TTC34: variants seen among roughly 807,000 people sequenced by gnomAD.
TTC34 encodes the protein tetratricopeptide repeat domain 34, also known as tetratricopeptide repeat protein 34.
A neutral mutation model predicts 40.7 loss-of-function variants in TTC34; 44 were observed. That is an observed-to-expected ratio of 1.08 (90% CI 0.85 to 1.39). The LOEUF is 1.39. TTC34 is among the 40% of genes most tolerant of loss of function. TTC34 has a pLI of 0.00. For missense variants in TTC34, 884 were observed against 838.0 expected (o/e 1.05, Z -0.68); for synonymous variants, 422 against 398.6 (o/e 1.06, Z -0.70).
intron 6 of TTC34, among the ~76,000 whole-genome samples, chr1:2,755,632 C>T (rs1188852483): frequency 6.7e-5 from 7 of 103,866 alleles, no homozygotes; most frequent in Admixed American, 2.0e-4. Flanking sequence ...CACCCAGGTG[C>T]GCATCTGATG....
intron 6 of TTC34, among the ~76,000 whole-genome samples, chr1:2,698,851 C>T (rs1286724884): frequency 2.5e-4 from 37 of 148,696 alleles, no homozygotes; most frequent in Non-Finnish European, 4.5e-4. Flanking sequence ...ACCCACACTC[C>T]CAGGCGAGCA....
chr1:2,686,260 A>C (rs1200429810), intron 6 of TTC34, among the ~76,000 whole-genome samples: 2 of 145,494 alleles, frequency 1.4e-5, no homozygotes, highest in African/African-American at 5.3e-5. Context: ...AGCATCTGAC[A>C]GCGTGGAGGA....
intron 6 of TTC34, among the ~76,000 whole-genome samples, chr1:2,646,313 C>G (rs1639020839): frequency 6.6e-6 from 1 of 152,158 alleles, no homozygotes; most frequent in East Asian, 1.9e-4. Flanking sequence ...TCCATTATTC[C>G]CATACTTTGT....
rs77381828 is a variant in TTC34 at position 2,791,938 on chromosome 1, G to A, written c.785-1592C>T. ...TTTCTATTCTGTCTTCAAGTTCACC[G>A]ACCCTTCTACTGTCGCTAATATTTT... is the stretch of plus-strand genomic sequence containing the variant. On this transcript the variant is annotated intron_variant, in intron 2 of 8. Transcript: ENST00000401095. 6.5e-3 allele frequency among the ~76,000 whole-genome samples: 943 copies of A among 145,446 alleles called. 16 individuals carry two copies. The highest frequency in any genetic ancestry group is 0.022 in the African/African-American group (884 of 39,456).
chr1:2,749,710 G>A (rs1206507658), intron 6 of TTC34, among the ~76,000 whole-genome samples: 1 of 89,014 alleles, frequency 1.1e-5, no homozygotes, highest in Non-Finnish European at 2.1e-5. Context: ...TGACAGTCTG[G>A]AACAGCACGC....
At position 2,750,087 on chromosome 1, in the gene TTC34, C is replaced by A. The variant is rs1413522182; in HGVS notation, c.2226+33522G>T. On this transcript the variant is annotated intron_variant, in intron 6 of 8. Transcript: ENST00000401095. ...ACAGCCTGGAGCAGCAGGCACACCCCCAGTGAGCATCTGACAGCCTGGAAC... is the reference window on the plus strand; with the variant it reads ...ACAGCCTGGAGCAGCAGGCACACCCACAGTGAGCATCTGACAGCCTGGAAC... 8.3e-4 allele frequency among the ~76,000 whole-genome samples: 81 copies of A among 97,396 alleles called. 6 individuals are homozygous for A. The South Asian group carries it at 0.012, about 14-fold the overall frequency. 63.9% of individuals were successfully genotyped at this position (97,396 alleles called of 152,430 possible).
rs1219209014 is a variant in TTC34, at chr1:2,750,900, T to A, written c.2226+32709A>T. On this transcript the variant is annotated intron_variant, in intron 6 of 8. Coordinates refer to ENST00000401095, the Ensembl canonical transcript of TTC34. Reference sequence around the variant, plus strand: ...CAGCACCCAAACCCCCAGGCGAGCATCTGAACGCACGGAGCAGCACCCACA... The same window carrying A: ...CAGCACCCAAACCCCCAGGCGAGCAACTGAACGCACGGAGCAGCACCCACA... Among the ~76,000 whole-genome samples the A allele has an allele frequency of 2.8e-5, 3 of 106,768 alleles. 1 individual carries two copies. Among genetic ancestry groups the A allele is most frequent in the African/African-American group, 1.3e-4 (3 of 22,310 alleles). 70.0% of individuals were successfully genotyped at this position (106,768 alleles called of 152,430 possible).
Position 2,789,542 on chromosome 1 carries a change from CTCCGG to C in TTC34, c.1584_1588del (p.Arg529GlyfsTer41). On this transcript the variant is annotated frameshift_variant, in exon 3 of 9. Coordinates refer to ENST00000401095, the Ensembl canonical transcript of TTC34. LOFTEE classifies it high-confidence loss of function. ...GGGGCCGCCCGTCTCTGCGGCCTCC[CTCCGG>C]CCCTGCGCTCTGGACGGCCCGGCGC... 2 of 1,500,284 alleles carry C rather than the reference CTCCGG, an allele frequency of 1.3e-6. No homozygotes were observed. Among genetic ancestry groups the C allele is most frequent in the Non-Finnish European group, 1.8e-6 (2 of 1,128,184 alleles). 92.9% of individuals were successfully genotyped at this position (1,500,284 alleles called of 1,614,324 possible).
In TTC34 at chr1:2,752,169, C is replaced by A. The variant is rs1343863963; in HGVS notation, c.2226+31440G>T. Among the ~76,000 whole-genome samples, 25 of 113,676 alleles carry A rather than the reference C, an allele frequency of 2.2e-4. 2 individuals carry two copies. The highest frequency in any genetic ancestry group is 3.5e-4 in the Non-Finnish European group (20 of 57,476). 74.6% of individuals were successfully genotyped at this position (113,676 alleles called of 152,430 possible). A position where few individuals can be genotyped will look rare whatever the true frequency, so the allele number is the denominator to read the frequency against. On this transcript the variant is annotated intron_variant, in intron 6 of 8. Transcript: ENST00000401095. ...GTGATGGTCTGGAGCAGCACCCACA[C>A]CAACAGGTGAGCATCTGACAGCCTG...
rs537158766 is a variant in TTC34 at position 2,644,534 on chromosome 1, G to A, written c.2498-56C>T. The A allele has an allele frequency of 1.9e-5, 28 of 1,479,056 alleles. No homozygotes were observed. In the East Asian group the frequency reaches 6.7e-4, roughly 36 times the overall value. 91.6% of individuals were successfully genotyped at this position (1,479,056 alleles called of 1,614,324 possible). A position where few individuals can be genotyped will look rare whatever the true frequency, so the allele number is the denominator to read the frequency against. On this transcript the variant is annotated intron_variant, in intron 7 of 8. Transcript: ENST00000401095. Reference sequence around the variant, plus strand: ...TGTGGGGTTGGGCAGAGGTGCGAGAGAGCTGAGACTCGCTGGCCGCTCCTT... The same window carrying A: ...TGTGGGGTTGGGCAGAGGTGCGAGAAAGCTGAGACTCGCTGGCCGCTCCTT...
Position 2,784,882 on chromosome 1 carries a change from C to A in TTC34, c.2059+937G>T, listed in dbSNP as rs10909982. Among the ~76,000 whole-genome samples the A allele has an allele frequency of 1.9e-3, 282 of 152,334 alleles. 1 individual carries two copies. Among genetic ancestry groups the A allele is most frequent in the African/African-American group, 6.5e-3 (270 of 41,578 alleles). On this transcript the variant is annotated intron_variant, in intron 5 of 8. Coordinates refer to ENST00000401095, the Ensembl canonical transcript of TTC34. ...CACCTAGGTAATCTTTTGCCCACAA[C>A]CCCTCGCCAAAGAGGCTGTCATTAC...
In TTC34 at chr1:2,752,207, C is replaced by A. The variant is rs1339069759; in HGVS notation, c.2226+31402G>T. ...ATCTGACAGCCTGGAACAGAACCCA[C>A]ACCCCCAGGTGAGCATCTGACAGAC... On this transcript the variant is annotated intron_variant, in intron 6 of 8. Transcript: ENST00000401095. 3.4e-5 allele frequency among the ~76,000 whole-genome samples: 4 copies of A among 117,912 alleles called. 1 individual carries two copies. The highest frequency in any genetic ancestry group is 6.8e-5 in the Non-Finnish European group (4 of 58,956). 77.4% of individuals were successfully genotyped at this position (117,912 alleles called of 152,430 possible).
At chr1:2,683,546 C>T (rs1203855570) in intron 6 of TTC34, among the ~76,000 whole-genome samples, 4 of 148,040 alleles carry the variant, frequency 2.7e-5, no homozygotes, top group Non-Finnish European at 4.5e-5. Flanking sequence ...TGGAGCAGCA[C>T]CCACAACCAC....
intron 6 of TTC34, among the ~76,000 whole-genome samples, chr1:2,692,083 C>T (rs113842837): frequency 1.3e-3 from 72 of 53,490 alleles, no homozygotes; most frequent in Middle Eastern, 0.019. Context: ...GAACATCCGA[C>T]AGCCTGGAGC....
At chr1:2,790,581 C>G (rs967483324) in intron 2 of TTC34, among the ~76,000 whole-genome samples, 1 of 152,220 alleles carries the variant, frequency 6.6e-6, no homozygotes, top group Non-Finnish European at 1.5e-5. Context: ...GCTGGGCAAG[C>G]GGCGAGGGGG....
At chr1:2,656,739 A>C (rs150598381) in intron 6 of TTC34, among the ~76,000 whole-genome samples, 383 of 4,998 alleles carry the variant, frequency 0.077, no homozygotes, top group Middle Eastern at 0.12. Context: ...CACCCACACC[A>C]ACAGGTGAGC....
chr1:2,645,234 C>G lies in TTC34; in HGVS notation c.2497+59G>C. ...TTTTTACAGAACAGGATACAGAGGT[C>G]AGAGGAGCGGGGACAGAAGCCCAGA... On this transcript the variant is annotated intron_variant, in intron 7 of 8. Coordinates refer to ENST00000401095, the Ensembl canonical transcript of TTC34. This position sits in a 1 kb window ranked among gnomAD's most constrained non-coding sequence, Gnocchi z 4.7. 2 of 1,427,966 alleles carry G rather than the reference C, an allele frequency of 1.4e-6. No individual in the cohort carries two copies. Among genetic ancestry groups the G allele is most frequent in the Non-Finnish European group, 1.8e-6 (2 of 1,092,804 alleles). The allele number at this position is 1,427,966 out of a possible 1,614,324, so 88.5% of individuals were successfully genotyped here. A position where few individuals can be genotyped will look rare whatever the true frequency, so the allele number is the denominator to read the frequency against.
intron 2 of TTC34, among the ~76,000 whole-genome samples, chr1:2,799,494 G>A (rs1309325985): frequency 1.3e-5 from 2 of 152,002 alleles, no homozygotes; most frequent in East Asian, 3.9e-4. Flanking sequence ...GGTGAGCCGA[G>A]ATCGCCCCAT....
At chr1:2,760,479 C>T (rs1641658674) in intron 6 of TTC34, among the ~76,000 whole-genome samples, 1 of 53,990 alleles carries the variant, frequency 1.9e-5, no homozygotes, top group Non-Finnish European at 2.9e-5. Flanking sequence ...GGAACACCAC[C>T]CACATCCGCA....
Sources: allele counts gnomAD v4.1 joint callset (sites outside exome capture counted in the v4.1 genomes callset), GRCh38; gene constraint gnomAD v4.1.1; non-coding constraint Gnocchi (gnomAD v3.1); transcripts MANE v1.5; gene names NCBI Gene and HGNC (gene_info 2026-07-23, HGNC 2026-07-21).